The following DLST variants were observed in gnomAD, a reference collection of about 807,000 sequenced individuals.
DLST encodes the protein dihydrolipoamide S-succinyltransferase, also known as dihydrolipoyllysine-residue succinyltransferase component of 2-oxoglutarate dehydrogenase complex, mitochondrial.
Under a neutral mutation model 53.1 loss-of-function variants are expected in DLST, and 17 were observed. The observed-to-expected ratio is 0.32, with a 90% CI of 0.22 to 0.48. The LOEUF (loss-of-function observed/expected upper bound fraction) is 0.48. Ranked by LOEUF, DLST falls within the 20% of genes least tolerant of loss-of-function variation. The pLI is 0.99. For synonymous variants in DLST, 206 were observed against 204.8 expected (o/e 1.01, Z -0.05); for missense variants, 512 against 583.9 (o/e 0.88, Z 1.27).
intron 1 of DLST, 148 bp from the exon 2 acceptor site, chr14:74,882,443 C>G (rs1883557405): frequency 1.4e-6 from 1 of 717,348 alleles, no homozygotes; most frequent in Admixed American, 2.5e-5. Context: ...TTGATTGGGT[C>G]TGCCAGCACG....
In DLST at chr14:74,893,423, G is replaced by A. The variant is rs563480250; in HGVS notation, c.671G>A (p.Arg224Gln). 8 of 1,614,184 alleles carry A rather than the reference G, an allele frequency of 5.0e-6. No homozygotes were observed. Among genetic ancestry groups the A allele is most frequent in the Admixed American group, 3.3e-5 (2 of 60,014 alleles). ...GGCAAAGGTCTGCGTTCAGAACATC[G>A]GGTAAGCCTCTGAGGACCACTTTCA... ...GAGKGLRSEH[R>Q]EKMNRMRQRI... The change falls in exon 9 of 15, where the codon CGG (arginine) becomes CAG (glutamine). Residue 224 changes from arginine to glutamine, a missense_variant and splice_region_variant. Coordinates refer to ENST00000334220, the MANE Select transcript of DLST (RefSeq NM_001933.5).
intron 10 of DLST, among the ~76,000 whole-genome samples, chr14:74,894,917 G>A (rs1453387095): frequency 1.3e-5 from 2 of 152,022 alleles, no homozygotes; most frequent in African/African-American, 2.4e-5. Flanking sequence ...TACTATGCCT[G>A]CCTCCTCCAT....
At chr14:74,893,459 AG>A in intron 9 of DLST, 35 bp downstream of exon 9, 1 of 1,611,714 alleles carries the variant, frequency 6.2e-7, no homozygotes, top group Non-Finnish European at 8.5e-7. Flanking sequence ...GGAAAGAGGC[AG>A]GGGGCAGTGT....
rs975022349 is a variant in DLST, at chr14:74,889,190, C to T, written c.199+43C>T. 1.9e-6 allele frequency: 3 copies of T among 1,609,836 alleles called. No individual in the cohort carries two copies. In the Admixed American group the frequency reaches 5.0e-5, roughly 27 times the overall value. ...TGGGAATGGAATTTTATGGGAAGAG[C>T]AACAATTGATTGAGTTTAATTAAAG... On this transcript the variant is annotated intron_variant, in intron 4 of 14. Transcript: ENST00000334220.
chr14:74,899,813 C>A, intron 11 of DLST, 110 bp from the exon 12 acceptor site: 1 of 835,094 alleles, frequency 1.2e-6, no homozygotes, highest in Non-Finnish European at 2.0e-6. Flanking sequence ...GGTTGGTCAG[C>A]CCACACTGTA....
In DLST at chr14:74,902,518, T is replaced by A. The variant is rs1884293419; in HGVS notation, c.*188T>A. On this transcript the variant is annotated 3_prime_UTR_variant, in exon 15 of 15. Transcript: ENST00000334220. Reference sequence around the variant, plus strand: ...CTTGGCGTTCCTGCCAGGCTCTCCCTCTCTGCACCTGTCTCATAGCCTCGA... The same window carrying A: ...CTTGGCGTTCCTGCCAGGCTCTCCCACTCTGCACCTGTCTCATAGCCTCGA... 1.1e-5 allele frequency: 6 copies of A among 549,818 alleles called. No individual in the cohort carries two copies. In the South Asian group the frequency reaches 2.3e-4, roughly 21 times the overall value. The allele number at this position is 549,818 out of a possible 1,614,324, so 34.1% of individuals were successfully genotyped here.
rs868003545 is a variant in DLST, at chr14:74,891,835, G to A, written c.442+668G>A. On this transcript the variant is annotated intron_variant, in intron 7 of 14. Transcript: ENST00000334220. Reference sequence around the variant, plus strand: ...GTTACACTAATAAGGCAGATAGACCGCATGATTGAGGTTAGTCAGGCAAGA... The same window carrying A: ...GTTACACTAATAAGGCAGATAGACCACATGATTGAGGTTAGTCAGGCAAGA... 2.0e-5 allele frequency: 20 copies of A among 985,328 alleles called. No individual in the cohort carries two copies. The South Asian group carries it at 6.1e-4, about 30-fold the overall frequency. The allele number at this position is 985,328 out of a possible 1,614,324, so 61.0% of individuals were successfully genotyped here.
intron 3 of DLST, among the ~76,000 whole-genome samples, chr14:74,888,334 C>T (rs915597375): frequency 7.6e-6 from 1 of 131,566 alleles, no homozygotes; most frequent in African/African-American, 2.9e-5. Context: ...CCTTGTTAAT[C>T]TTGCTGCCTT....
intron 3 of DLST, 48 bp from the exon 4 acceptor site, chr14:74,889,047 G>A (rs751511772): frequency 1.3e-6 from 2 of 1,574,144 alleles, no homozygotes; most frequent in Non-Finnish European, 1.7e-6. Context: ...AGACTAAAAT[G>A]TGAGTGGTTC....
intron 10 of DLST, among the ~76,000 whole-genome samples, chr14:74,897,721 G>A (rs1228352892): frequency 6.6e-6 from 1 of 152,176 alleles, no homozygotes; most frequent in African/African-American, 2.4e-5. Flanking sequence ...TACCTGTTTG[G>A]AAGAATAAGT....
At position 74,889,302 on chromosome 14, in the gene DLST, C is replaced by T; in HGVS notation, c.227C>T (p.Pro76Leu). ...CKDDLVTVKT[P>L]AFAESVTEGD... The stretch of plus-strand genomic sequence containing the variant: ...GATGACTTGGTTACAGTCAAAACCC[C>T]AGCGTTTGCAGAATCTGTCACAGAG... Residue 76 changes from proline (P) to leucine (L), a missense_variant, in exon 5 of 15, where the codon CCA (proline) becomes CTA (leucine). Coordinates refer to ENST00000334220, the MANE Select transcript of DLST (RefSeq NM_001933.5). 1 of 1,612,314 alleles carries T rather than the reference C, an allele frequency of 6.2e-7. No individual in the cohort carries two copies. The highest frequency in any genetic ancestry group is 8.5e-7 in the Non-Finnish European group (1 of 1,179,896).
At chr14:74,883,751 A>G (rs1883612646) in intron 2 of DLST, among the ~76,000 whole-genome samples, 1 of 152,216 alleles carries the variant, frequency 6.6e-6, no homozygotes, top group East Asian at 1.9e-4. Context: ...GGCCATGGTC[A>G]CCCACCCAGC....
intron 13 of DLST, 104 bp from the exon 14 acceptor site, chr14:74,900,962 G>T: frequency 7.6e-7 from 1 of 1,310,946 alleles, no homozygotes; most frequent in South Asian, 1.4e-5. Flanking sequence ...CTGGCCTCAA[G>T]CAGTCCTCCT....
In DLST at chr14:74,881,967, C is replaced by G. The variant is rs377341812; in HGVS notation, c.14C>G (p.Ser5Cys). Residue 5 changes from serine to cysteine, a missense_variant, in exon 1 of 15, where the codon TCC becomes TGC. Around this residue, in one of 4 missense-constraint regions of DLST, gnomAD observed 129 missense variants for 90.9 expected, o/e 1.42. Transcript: ENST00000334220. MLSR[S>C]RCVSRAFSRS... Reference sequence around the variant, plus strand: ...TCCTCCGCCGTGATGCTGTCCCGATCCCGCTGTGTGTCTCGGGCGTTCAGC... The same window carrying G: ...TCCTCCGCCGTGATGCTGTCCCGATGCCGCTGTGTGTCTCGGGCGTTCAGC... 27 of 1,569,182 alleles carry G rather than the reference C, an allele frequency of 1.7e-5. No individual in the cohort carries two copies. Among genetic ancestry groups the G allele is most frequent in the Non-Finnish European group, 2.2e-5 (26 of 1,165,422 alleles).
chr14:74,889,808 T>G (rs1436466859), intron 5 of DLST, 89 bp from the exon 6 acceptor site: 2 of 1,310,936 alleles, frequency 1.5e-6, no homozygotes, highest in African/African-American at 1.5e-5. Context: ...AGGAAAGGGT[T>G]CTTATAACAT....
intron 3 of DLST, among the ~76,000 whole-genome samples, chr14:74,888,455 C>T (rs890508791): frequency 2.0e-5 from 3 of 151,856 alleles, no homozygotes; most frequent in Admixed American, 6.6e-5. Flanking sequence ...AGGAAGAGAC[C>T]TGGCTGGACA....
chr14:74,883,294 C>CAA (rs35879783), intron 2 of DLST, among the ~76,000 whole-genome samples: 2,566 of 67,134 alleles, frequency 0.038, 130 homozygotes, highest in African/African-American at 0.098. Flanking sequence ...GACTCCATCT[C>CAA]AAAAAAAAAA....
At chr14:74,887,392 A>C (rs994609474) in intron 3 of DLST, among the ~76,000 whole-genome samples, 1 of 152,224 alleles carries the variant, frequency 6.6e-6, no homozygotes, top group African/African-American at 2.4e-5. Flanking sequence ...ACTCTCTACA[A>C]TAAATACACT....
chr14:74,901,040 A>C lies in DLST; in HGVS notation c.1060-26A>C, dbSNP rs551230729. On this transcript the variant is annotated intron_variant, in intron 13 of 14. Transcript: ENST00000334220. ...GTGAAGGAAACTGGGTTGGCTTGATATTTCAATTATGAAATCTGTTTTTAG... is the reference window on the plus strand; with the variant it reads ...GTGAAGGAAACTGGGTTGGCTTGATCTTTCAATTATGAAATCTGTTTTTAG... 4 of 1,611,346 alleles carry C rather than the reference A, an allele frequency of 2.5e-6. No individual in the cohort carries two copies. The South Asian group carries it at 4.4e-5, about 18-fold the overall frequency.
Sources: gnomAD v4.1 joint callset for allele counts (sites outside exome capture counted in the v4.1 genomes callset) on GRCh38, gnomAD v4.1.1 for gene constraint, gnomAD v4.1.1 regional missense constraint, MANE v1.5 for transcripts, NCBI Gene and HGNC (gene_info 2026-07-23, HGNC 2026-07-21) for gene names.